The following AVIL variants were observed in gnomAD, a reference collection of about 807,000 sequenced individuals.
AVIL encodes advillin.
AVIL carries 78 observed loss-of-function variants against 109.9 expected under a neutral mutation model. That is an observed-to-expected ratio of 0.71 (90% CI 0.59 to 0.86). AVIL has a LOEUF of 0.86. Among genes scored for constraint, AVIL ranks in the 40% least tolerant of loss-of-function variants. The probability of loss-of-function intolerance (pLI) is 0.00; values close to 1 mark genes in which losing one functional copy is unlikely to be tolerated. For missense variants in AVIL, 892 were observed against 1,016.5 expected, an observed-to-expected ratio of 0.88 and a Z score of 1.67; for synonymous variants, 367 against 379.1, an observed-to-expected ratio of 0.97 and a Z score of 0.37.
At chr12:57,802,704 A>G (rs866050921) in intron 16 of AVIL, 42 of 611,280 alleles carry the variant, frequency 6.9e-5, no homozygotes, top group African/African-American at 6.6e-4. Flanking sequence ...CTGAGTCTCC[A>G]CTTTTGATAG....
rs754916314 is a variant in AVIL, at chr12:57,803,246, C to A, written c.1962+1G>T. 7.1e-5 allele frequency: 115 copies of A among 1,613,898 alleles called. No individual in the cohort carries two copies. Among genetic ancestry groups the A allele is most frequent in the Non-Finnish European group, 9.3e-5 (110 of 1,179,984 alleles). Reference sequence around the variant, plus strand: ...TTCTGACTTCTGCAGCTGTGTCTTACCTGGTCCCAGGTATCTAGGAGCATC... The same window carrying A: ...TTCTGACTTCTGCAGCTGTGTCTTAACTGGTCCCAGGTATCTAGGAGCATC... On this transcript the variant is annotated splice_donor_variant, in intron 16 of 19. Transcript: ENST00000549994. LOFTEE classifies it high-confidence loss of function.
At chr12:57,807,533 A>G in intron 12 of AVIL, 44 bp from the exon 13 acceptor site, 1 of 1,614,242 alleles carries the variant, frequency 6.2e-7, no homozygotes, top group South Asian at 1.1e-5. Context: ...TCCCCGCCCC[A>G]GCCCAGTGGC....
chr12:57,806,245 C>G, intron 14 of AVIL, 115 bp downstream of exon 14: 1 of 1,104,876 alleles, frequency 9.1e-7, no homozygotes, highest in Non-Finnish European at 1.3e-6. Flanking sequence ...AGTATATGTG[C>G]TGCCAAAGCA....
chr12:57,797,495 T>C lies in AVIL; in HGVS notation c.*387A>G, dbSNP rs1296016235. The C allele has an allele frequency of 2.0e-6, 2 of 977,470 alleles. No individual in the cohort carries two copies. The highest frequency in any genetic ancestry group is 1.8e-5 in the African/African-American group (1 of 57,050). 60.5% of individuals were successfully genotyped at this position (977,470 alleles called of 1,614,324 possible). A position where few individuals can be genotyped will look rare whatever the true frequency, so the allele number is the denominator to read the frequency against. ...TGATTTCAATGATTTACAGGCTAAA[T>C]AGATTTTAGAAATAATCATCTTAAA... is the stretch of plus-strand genomic sequence containing the variant. On this transcript the variant is annotated 3_prime_UTR_variant, in exon 20 of 20. Coordinates refer to ENST00000549994, the MANE Select transcript of AVIL (RefSeq NM_006576.4).
chr12:57,806,087 A>C, intron 14 of AVIL: 1 of 319,662 alleles, frequency 3.1e-6, no homozygotes, highest in Non-Finnish European at 5.7e-6. Flanking sequence ...TGCCTGCCTC[A>C]GCCTCCCAAA....
At position 57,797,846 on chromosome 12, in the gene AVIL, T is replaced by G. The variant is rs1344427703; in HGVS notation, c.*36A>C. The stretch of plus-strand genomic sequence containing the variant: ...CCTGATATTGGCACTATCTGCTCTT[T>G]TCTGTGGCCTTGCAATAGGTATAGG... On this transcript the variant is annotated 3_prime_UTR_variant, in exon 20 of 20. Transcript: ENST00000549994. The G allele has an allele frequency of 1.4e-5, 21 of 1,487,068 alleles. No individual in the cohort carries two copies. Among genetic ancestry groups the G allele is most frequent in the Non-Finnish European group, 1.8e-5 (20 of 1,097,986 alleles). 92.1% of individuals were successfully genotyped at this position (1,487,068 alleles called of 1,614,324 possible).
chr12:57,808,244 C>G lies in AVIL; in HGVS notation c.1144G>C (p.Glu382Gln), dbSNP rs1955982171. The change falls in exon 11 of 20, where the codon GAG becomes CAG. Residue 382 changes from glutamate (E) to glutamine (Q), a missense_variant. Coordinates refer to ENST00000549994, the MANE Select transcript of AVIL (RefSeq NM_006576.4). Reference protein sequence around the residue: ...FDVTLLHTKPEVAAQERMVDD... With the variant: ...FDVTLLHTKPQVAAQERMVDD... The stretch of plus-strand genomic sequence containing the variant: ...ACCATTCTTTCCTGGGCAGCTACCT[C>G]TGGCTTGGTGTGTAGCAGAGTCACA... The G allele has an allele frequency of 6.2e-7, 1 of 1,614,084 alleles. No homozygotes were observed. The highest frequency in any genetic ancestry group is 8.5e-7 in the Non-Finnish European group (1 of 1,180,044).
intron 14 of AVIL, chr12:57,804,280 T>G (rs777680698): frequency 2.0e-5 from 3 of 152,352 alleles, no homozygotes; most frequent in African/African-American, 7.2e-5. Flanking sequence ...GCATATGAGA[T>G]CTCTGTTGGG....
chr12:57,803,548 T>C lies in AVIL; in HGVS notation c.1793A>G (p.Lys598Arg). ...CCTTTTATCATTGGCATAGGGAGTT[T>C]TCCCTCCCAGTAGGTCCCAGAACTC... is the stretch of plus-strand genomic sequence containing the variant. ...PAEFWDLLGG[K>R]TPYANDKRLQ... Residue 598 changes from lysine (K) to arginine (R), a missense_variant, in exon 15 of 20, where the codon AAA becomes AGA. By Grantham distance (26) the Lys-to-Arg change is conservative. Coordinates refer to ENST00000549994, the MANE Select transcript of AVIL (RefSeq NM_006576.4). 3 of 1,614,128 alleles carry C rather than the reference T, an allele frequency of 1.9e-6. No individual in the cohort carries two copies. Among genetic ancestry groups the C allele is most frequent in the South Asian group, 2.2e-5 (2 of 91,080 alleles).
At chr12:57,800,869 A>G (rs896446301) in intron 18 of AVIL, among the ~76,000 whole-genome samples, 5 of 152,170 alleles carry the variant, frequency 3.3e-5, no homozygotes, top group African/African-American at 9.6e-5. Context: ...TGGCCTCCCA[A>G]AGTGCTGGGA....
At chr12:57,805,540 T>G (rs915141772) in intron 14 of AVIL, among the ~76,000 whole-genome samples, 1 of 151,820 alleles carries the variant, frequency 6.6e-6, no homozygotes, top group African/African-American at 2.4e-5. Context: ...CAGTGAGTTT[T>G]TTTTTTTTTT....
At position 57,803,555 on chromosome 12, in the gene AVIL, C is replaced by T. The variant is rs1364624649; in HGVS notation, c.1786G>A (p.Gly596Arg). The change falls in exon 15 of 20, where the codon GGA (glycine) becomes AGA (arginine). Residue 596 changes from glycine to arginine, a missense_variant. Physicochemically the swap from Gly to Arg is moderately radical, Grantham distance 125 (BLOSUM62 -2). Transcript: ENST00000549994. The stretch of plus-strand genomic sequence containing the variant: ...TCATTGGCATAGGGAGTTTTCCCTC[C>T]CAGTAGGTCCCAGAACTCGGCTGGC... ...QEPAEFWDLLGGKTPYANDKR... is the reference protein window; with the variant it reads ...QEPAEFWDLLRGKTPYANDKR... 6.2e-7 allele frequency: 1 copy of T among 1,614,132 alleles called. No homozygotes were observed. The highest frequency in any genetic ancestry group is 8.5e-7 in the Non-Finnish European group (1 of 1,180,024).
At chr12:57,800,017 G>A (rs1955815321) in intron 18 of AVIL, 97 bp from the exon 19 acceptor site, 2 of 1,461,546 alleles carry the variant, frequency 1.4e-6, no homozygotes, top group East Asian at 2.3e-5. Context: ...TTTGACTTAT[G>A]CCACTTCACC....
chr12:57,816,740 T>C (rs1304840088), intron 1 of AVIL, among the ~76,000 whole-genome samples: 2 of 144,116 alleles, frequency 1.4e-5, no homozygotes, highest in African/African-American at 5.1e-5. Context: ...TAAACTATTC[T>C]TAAACTCAAA....
At chr12:57,802,683 T>C (rs1240978696) in intron 16 of AVIL, 1 of 626,870 alleles carries the variant, frequency 1.6e-6, no homozygotes, top group Non-Finnish European at 2.9e-6. Context: ...TCTTCTTTAC[T>C]AAACTTGTAT....
intron 19 of AVIL, among the ~76,000 whole-genome samples, chr12:57,798,537 A>C (rs530566250): frequency 6.6e-6 from 1 of 152,306 alleles, no homozygotes; most frequent in East Asian, 1.9e-4. Context: ...TTGACTAGAT[A>C]AGACATTGTG....
intron 16 of AVIL, chr12:57,802,714 G>C: frequency 3.3e-6 from 2 of 607,878 alleles, no homozygotes; most frequent in Non-Finnish European, 2.9e-6. Context: ...ACTTTTGATA[G>C]GTGGTATCTA....
intron 4 of AVIL, among the ~76,000 whole-genome samples, 192 bp downstream of exon 4, chr12:57,813,035 C>G (rs570026853): frequency 3.9e-5 from 6 of 152,332 alleles, no homozygotes; most frequent in African/African-American, 1.4e-4. Flanking sequence ...CACAAGGGCT[C>G]CTATTTCCCC....
intron 19 of AVIL, among the ~76,000 whole-genome samples, chr12:57,798,584 T>A (rs1955782510): frequency 6.6e-6 from 1 of 151,932 alleles, no homozygotes; most frequent in African/African-American, 2.4e-5. Context: ...CTAAATCAAC[T>A]TCTTCAAGGG....
Sources: allele counts gnomAD v4.1 joint callset (sites outside exome capture counted in the v4.1 genomes callset), GRCh38; gene constraint gnomAD v4.1.1; transcripts MANE v1.5; gene names NCBI Gene and HGNC (gene_info 2026-07-23, HGNC 2026-07-21).